Variants in TUSC3 observed in about 807,000 individuals in gnomAD.
TUSC3 encodes dolichyl-diphosphooligosaccharide--protein glycosyltransferase subunit TUSC3.
TUSC3 carries 45 observed loss-of-function variants against 44.8 expected under a neutral mutation model. The observed-to-expected ratio is 1.00, with a 90% CI of 0.79 to 1.29. The LOEUF (loss-of-function observed/expected upper bound fraction) is 1.29. Ranked by LOEUF, TUSC3 falls within the 50% of genes most tolerant of loss-of-function variation. TUSC3 has a pLI of 0.00. For missense variants in TUSC3, 519 were observed against 437.9 expected (o/e 1.19, Z -1.65); for synonymous variants, 212 against 152.9 (o/e 1.39, Z -2.85).
chr8:15,473,919 G>C (rs1212604205), intron 1 of TUSC3, among the ~76,000 whole-genome samples: 1 of 152,122 alleles, frequency 6.6e-6, no homozygotes, highest in Non-Finnish European at 1.5e-5. Flanking sequence ...ATTTACCAGG[G>C]CGAGGTTTTT....
At chr8:15,675,955 A>G (rs1356869878) in intron 6 of TUSC3, among the ~76,000 whole-genome samples, 3 of 152,252 alleles carry the variant, frequency 2.0e-5, no homozygotes, top group South Asian at 2.1e-4. Context: ...TATACCAGCA[A>G]TGGATCGCTG....
chr8:15,813,919 C>T, the TUSC3 span, among the ~76,000 whole-genome samples: 4 of 152,238 alleles, frequency 2.6e-5, no homozygotes, highest in Middle Eastern at 0.01. Flanking sequence ...TCCACCGTTA[C>T]TAAGTTTGCG....
intron 1 of TUSC3, among the ~76,000 whole-genome samples, chr8:15,478,031 C>T (rs982798513): frequency 6.6e-6 from 1 of 152,058 alleles, no homozygotes; most frequent in Non-Finnish European, 1.5e-5. Context: ...GATCTTGGCT[C>T]ACTGCAAACT....
At chr8:15,771,824 C>T in the TUSC3 span, among the ~76,000 whole-genome samples, 3 of 152,208 alleles carry the variant, frequency 2.0e-5, no homozygotes, top group South Asian at 2.1e-4. Flanking sequence ...CACGGTGGCT[C>T]ACGCCTGTAA....
chr8:15,802,735 A>G, the TUSC3 span, among the ~76,000 whole-genome samples: 293 of 152,126 alleles, frequency 1.9e-3, 1 homozygote, highest in Non-Finnish European at 3.3e-3. Context: ...TCTAAGGAAC[A>G]TTAATCAGAT....
chr8:15,798,065 G>A, the TUSC3 span, among the ~76,000 whole-genome samples: 48 of 152,274 alleles, frequency 3.2e-4, no homozygotes, highest in Middle Eastern at 0.01. Flanking sequence ...GAAACATAAG[G>A]TACGGAGCTA....
intron 10 of TUSC3, among the ~76,000 whole-genome samples, chr8:15,762,268 A>C (rs992994183): frequency 1.3e-5 from 2 of 152,002 alleles, no homozygotes; most frequent in Non-Finnish European, 1.5e-5. Flanking sequence ...CATAGGAAGT[A>C]CTCTAATTGT....
At chr8:15,443,916 A>G (rs11775191) in intron 1 of TUSC3, among the ~76,000 whole-genome samples, 126,586 of 151,768 alleles carry the variant, frequency 0.83, 54,015 homozygotes, top group Non-Finnish European at 0.92. Flanking sequence ...CAAGAGGACA[A>G]CTTCAATTCT....
chr8:15,551,562 G>A (rs1802061216), intron 1 of TUSC3, among the ~76,000 whole-genome samples: 1 of 151,426 alleles, frequency 6.6e-6, no homozygotes, highest in Non-Finnish European at 1.5e-5. Flanking sequence ...CATTATTTTT[G>A]CCTGTTTCAA....
chr8:15,509,452 A>G (rs968741760), intron 2 of TUSC3, among the ~76,000 whole-genome samples: 14 of 152,092 alleles, frequency 9.2e-5, no homozygotes, highest in African/African-American at 3.4e-4. Context: ...CTACTAAAAT[A>G]TAAAAATTAG....
chr8:15,657,501 C>T (rs1286602085), intron 3 of TUSC3, among the ~76,000 whole-genome samples: 1 of 152,208 alleles, frequency 6.6e-6, no homozygotes, highest in Non-Finnish European at 1.5e-5. Context: ...ACCTGTTTCT[C>T]ATTTCCGTCT....
chr8:15,647,033 A>G (rs1806664163), intron 2 of TUSC3, among the ~76,000 whole-genome samples: 1 of 152,034 alleles, frequency 6.6e-6, no homozygotes. Context: ...CTTCTTCCCC[A>G]TCACCTCTTC....
intron 2 of TUSC3, among the ~76,000 whole-genome samples, chr8:15,632,889 T>G (rs1805878742): frequency 6.6e-6 from 1 of 152,178 alleles, no homozygotes; most frequent in South Asian, 2.1e-4. Context: ...TTAGTCTACT[T>G]TCTGGTACAA....
At chr8:15,662,414 G>C in intron 5 of TUSC3, 118 bp downstream of exon 5, 2 of 1,418,286 alleles carry the variant, frequency 1.4e-6, no homozygotes, top group African/African-American at 1.4e-5. Flanking sequence ...TGAATGAGAA[G>C]TAACTTTTTA....
intron 1 of TUSC3, among the ~76,000 whole-genome samples, chr8:15,474,918 C>T (rs1800554675): frequency 1.3e-5 from 2 of 152,134 alleles, no homozygotes; most frequent in South Asian, 2.1e-4. Context: ...AATTACTTGG[C>T]TAATTAAAGC....
chr8:15,491,135 T>C (rs1384617241), intron 2 of TUSC3, among the ~76,000 whole-genome samples: 19 of 152,154 alleles, frequency 1.2e-4, no homozygotes, highest in Admixed American at 1.2e-3. Context: ...TTATATAAGA[T>C]AAAATAAAGA....
chr8:15,467,209 G>A (rs1348550557), intron 1 of TUSC3, among the ~76,000 whole-genome samples: 1 of 150,802 alleles, frequency 6.6e-6, no homozygotes, highest in South Asian at 2.1e-4. Flanking sequence ...CGTGCACTAC[G>A]GTGCTATTCT....
chr8:15,729,267 A>C (rs918173083), intron 6 of TUSC3, among the ~76,000 whole-genome samples: 1 of 152,152 alleles, frequency 6.6e-6, no homozygotes, highest in Non-Finnish European at 1.5e-5. Context: ...GTTTTTACAA[A>C]GTTTTACTTG....
chr8:15,687,720 T>G (rs567689406), intron 6 of TUSC3, among the ~76,000 whole-genome samples: 1 of 152,310 alleles, frequency 6.6e-6, no homozygotes, highest in African/African-American at 2.4e-5. Flanking sequence ...TTTGTACCCT[T>G]ACTTCATGAC....
Sources: allele counts gnomAD v4.1 joint callset (sites outside exome capture counted in the v4.1 genomes callset), GRCh38; gene constraint gnomAD v4.1.1; transcripts MANE v1.5; gene names NCBI Gene and HGNC (gene_info 2026-07-23, HGNC 2026-07-21).